The following ZNF175 variants were observed in gnomAD, a reference collection of about 807,000 sequenced individuals.
ZNF175 encodes zinc finger protein OTK18.
In ZNF175, 8 loss-of-function variants were observed where a neutral mutation model predicts 14.0. The ratio of observed to expected loss-of-function variants is 0.57; its 90% CI spans 0.34 to 1.03. The LOEUF is 1.03. Ranked by LOEUF, ZNF175 falls within the 50% of genes least tolerant of loss-of-function variation. ZNF175 has a pLI of 0.03. For missense variants in ZNF175, 764 were observed against 849.5 expected (o/e 0.90, Z 1.25); for synonymous variants, 255 against 296.8 (o/e 0.86, Z 1.45).
intron 2 of ZNF175, 48 bp from the exon 3 acceptor site, chr19:51,581,343 T>G (rs1246162486): frequency 2.5e-6 from 4 of 1,613,962 alleles, no homozygotes; most frequent in Non-Finnish European, 3.4e-6. Context: ...CCATCCCCAC[T>G]CGCCAATGAT....
At position 51,573,370 on chromosome 19, in the gene ZNF175, T is replaced by G; in HGVS notation, c.41T>G (p.Leu14Arg). 1 of 1,612,234 alleles carries G rather than the reference T, an allele frequency of 6.2e-7. No individual in the cohort carries two copies. The highest frequency in any genetic ancestry group is 2.2e-5 in the East Asian group (1 of 44,644). ...DVNLSQKPQV[L>R]GPEKQDGSCE... ...AATTTATCCCAGAAGCCTCAGGTCC[T>G]GGGTCCAGAGAAGCAGGATGGATCT... is the stretch of plus-strand genomic sequence containing the variant. The change falls in exon 2 of 5, where the codon CTG (leucine) becomes CGG (arginine). Residue 14 changes from leucine to arginine, a missense_variant. Coordinates refer to ENST00000262259, the MANE Select transcript of ZNF175 (RefSeq NM_007147.4).
chr19:51,588,073 A>C lies in ZNF175; in HGVS notation c.1742A>C (p.His581Pro), dbSNP rs752023484. 8 of 1,614,250 alleles carry C rather than the reference A, an allele frequency of 5.0e-6. No individual in the cohort carries two copies. Among genetic ancestry groups the C allele is most frequent in the Non-Finnish European group, 6.8e-6 (8 of 1,180,018 alleles). ...KSQFKEHQRI[H>P]TGEKPYVCTE... ...CAATTCAAAGAGCATCAGCGAATTCACACGGGTGAGAAACCCTATGTGTGC... is the reference window on the plus strand; with the variant it reads ...CAATTCAAAGAGCATCAGCGAATTCCCACGGGTGAGAAACCCTATGTGTGC... The change falls in exon 5 of 5, where the codon CAC becomes CCC. Residue 581 changes from histidine to proline, a missense_variant. Coordinates refer to ENST00000262259, the MANE Select transcript of ZNF175 (RefSeq NM_007147.4).
chr19:51,582,360 C>T (rs34239632), intron 4 of ZNF175, among the ~76,000 whole-genome samples: 58,290 of 151,818 alleles, frequency 0.38, 11,718 homozygotes, highest in Middle Eastern at 0.56. Flanking sequence ...TGCAGTGGCA[C>T]GATCTTGGCT....
intron 4 of ZNF175, among the ~76,000 whole-genome samples, chr19:51,585,844 TG>T (rs1257372497): frequency 5.3e-5 from 8 of 152,192 alleles, no homozygotes; most frequent in African/African-American, 1.9e-4. Flanking sequence ...TTAATTTCAA[TG>T]GAACAAGGGT....
Position 51,587,320 on chromosome 19 carries a change from C to A in ZNF175, c.989C>A (p.Thr330Lys). 6.2e-7 allele frequency: 1 copy of A among 1,614,142 alleles called. No homozygotes were observed. Among genetic ancestry groups the A allele is most frequent in the Non-Finnish European group, 8.5e-7 (1 of 1,180,026 alleles). The stretch of plus-strand genomic sequence containing the variant: ...CTCAGTGTATATCTGACAGATCATA[C>A]AGGTGATATACCCTGTATATGCAAG... Reference protein sequence around the residue: ...LKLSVYLTDHTGDIPCICKEC... With the variant: ...LKLSVYLTDHKGDIPCICKEC... The change falls in exon 5 of 5, where the codon ACA (threonine) becomes AAA (lysine). Residue 330 changes from threonine to lysine, a missense_variant. Thr to Lys is a moderately conservative substitution (Grantham distance 78, BLOSUM62 -1). Transcript: ENST00000262259.
chr19:51,590,531 C>G lies in ZNF175; in HGVS notation c.*2064C>G, dbSNP rs1177468956. 1 of 152,222 alleles carries G rather than the reference C, an allele frequency of 6.6e-6. No individual in the cohort carries two copies. Among genetic ancestry groups the G allele is most frequent in the African/African-American group, 2.4e-5 (1 of 41,442 alleles). 9.4% of individuals were successfully genotyped at this position (152,222 alleles called of 1,614,324 possible). On this transcript the variant is annotated 3_prime_UTR_variant, in exon 5 of 5. Coordinates refer to ENST00000262259, the MANE Select transcript of ZNF175 (RefSeq NM_007147.4). Reference sequence around the variant, plus strand: ...ACCCATGGCTTTAGTCTCCATACCCCTTCAAGGTTGATAGGGGCCCACACA... The same window carrying G: ...ACCCATGGCTTTAGTCTCCATACCCGTTCAAGGTTGATAGGGGCCCACACA...
At chr19:51,577,541 C>CTA (rs1295862576) in intron 2 of ZNF175, among the ~76,000 whole-genome samples, 2 of 151,972 alleles carry the variant, frequency 1.3e-5, no homozygotes, top group African/African-American at 2.4e-5. Flanking sequence ...AATGATTGAA[C>CTA]TATCTTACCT....
intron 2 of ZNF175, among the ~76,000 whole-genome samples, chr19:51,580,837 C>G (rs1981972193): frequency 6.6e-6 from 1 of 152,194 alleles, no homozygotes; most frequent in Admixed American, 6.5e-5. Flanking sequence ...TCCTGCATCA[C>G]AGTTCTTACT....
Position 51,588,096 on chromosome 19 carries a change from T to G in ZNF175, c.1765T>G (p.Cys589Gly). ...TCACACGGGTGAGAAACCCTATGTGTGCACTGAATGTGGGAAGGCCTTCAA... is the reference window on the plus strand; with the variant it reads ...TCACACGGGTGAGAAACCCTATGTGGGCACTGAATGTGGGAAGGCCTTCAA... ...RIHTGEKPYV[C>G]TECGKAFNGR... Residue 589 changes from cysteine to glycine, a missense_variant, in exon 5 of 5, where the codon TGC (cysteine) becomes GGC (glycine). By Grantham distance (159) the Cys-to-Gly change is radical. Transcript: ENST00000262259. 6.2e-7 allele frequency: 1 copy of G among 1,614,224 alleles called. No homozygotes were observed. The highest frequency in any genetic ancestry group is 1.1e-5 in the South Asian group (1 of 91,088).
At chr19:51,577,884 C>T (rs866733742) in intron 2 of ZNF175, among the ~76,000 whole-genome samples, 7 of 151,254 alleles carry the variant, frequency 4.6e-5, no homozygotes, top group South Asian at 4.2e-4. Flanking sequence ...AGGATGGTCT[C>T]AATCTCCTGA....
At chr19:51,583,898 C>T (rs1982089807) in intron 4 of ZNF175, among the ~76,000 whole-genome samples, 2 of 152,238 alleles carry the variant, frequency 1.3e-5, no homozygotes, top group Admixed American at 6.5e-5. Context: ...TCTTAATCTT[C>T]ATTATATCAA....
intron 2 of ZNF175, chr19:51,574,245 A>C (rs1428288448): frequency 1.3e-5 from 2 of 152,206 alleles, no homozygotes; most frequent in Admixed American, 6.5e-5. Context: ...GTAACCTGTT[A>C]AAATCATCTC....
Position 51,586,502 on chromosome 19 carries a change from C to T in ZNF175, c.296-125C>T, listed in dbSNP as rs1213127703. ...AGGGCTCTGTGTTTCTGCTCATTGT[C>T]AGCATCATTAGCAGCATTATTACAT... is the stretch of plus-strand genomic sequence containing the variant. On this transcript the variant is annotated intron_variant, in intron 4 of 4. Coordinates refer to ENST00000262259, the MANE Select transcript of ZNF175 (RefSeq NM_007147.4). 5.5e-6 allele frequency: 5 copies of T among 909,810 alleles called. No homozygotes were observed. The African/African-American group carries it at 8.4e-5, about 15-fold the overall frequency. The allele number at this position is 909,810 out of a possible 1,614,324, so 56.4% of individuals were successfully genotyped here. A position where few individuals can be genotyped will look rare whatever the true frequency, so the allele number is the denominator to read the frequency against.
intron 2 of ZNF175, among the ~76,000 whole-genome samples, chr19:51,577,808 C>CAT (rs1981850405): frequency 6.6e-6 from 1 of 151,690 alleles, no homozygotes; most frequent in Non-Finnish European, 1.5e-5. Flanking sequence ...GGACTAAAGG[C>CAT]GCCCGCCACC....
rs537967221 is a variant in ZNF175 at position 51,584,793 on chromosome 19, T to C, written c.296-1834T>C. ...TCAAAACCACTGGGTGATATCCCTT[T>C]ACATCCATTAGAATGGCTACAATTA... On this transcript the variant is annotated intron_variant, in intron 4 of 4. Coordinates refer to ENST00000262259, the MANE Select transcript of ZNF175 (RefSeq NM_007147.4). Among the ~76,000 whole-genome samples, 7 of 152,314 alleles carry C rather than the reference T, an allele frequency of 4.6e-5. 1 individual carries two copies. The highest frequency in any genetic ancestry group is 1.7e-4 in the African/African-American group (7 of 41,580).
At chr19:51,585,028 C>A (rs766634178) in intron 4 of ZNF175, among the ~76,000 whole-genome samples, 1 of 152,210 alleles carries the variant, frequency 6.6e-6, no homozygotes, top group Non-Finnish European at 1.5e-5. Context: ...GCTGTTTGTA[C>A]ACTCTTGTTC....
In ZNF175 at chr19:51,587,879, A is replaced by T. The variant is rs770010543; in HGVS notation, c.1548A>T (p.Ser516=). Residue 516 remains serine (S), a synonymous_variant, in exon 5 of 5, where the codon TCA becomes TCT. Coordinates refer to ENST00000262259, the MANE Select transcript of ZNF175 (RefSeq NM_007147.4). Reference sequence around the variant, plus strand: ...GTGGAAAAACCTTCACCCAAAAGTCACACCTGAATATACACCAGAAAATTC... The same window carrying T: ...GTGGAAAAACCTTCACCCAAAAGTCTCACCTGAATATACACCAGAAAATTC... ...SDCGKTFTQK[S]HLNIHQKIHT... 1 of 1,614,156 alleles carries T rather than the reference A, an allele frequency of 6.2e-7. No individual in the cohort carries two copies. The highest frequency in any genetic ancestry group is 1.1e-5 in the South Asian group (1 of 91,084).
chr19:51,589,488 C>G lies in ZNF175; in HGVS notation c.*1021C>G. On this transcript the variant is annotated 3_prime_UTR_variant, in exon 5 of 5. Transcript: ENST00000262259. ...CATGAATGTGCATTTTTGGTAAATG[C>G]ATAAATGAGATTCTATAATGTTTAC... is the stretch of plus-strand genomic sequence containing the variant. 1.4e-6 allele frequency: 1 copy of G among 693,714 alleles called. No homozygotes were observed. Among genetic ancestry groups the G allele is most frequent in the East Asian group, 2.7e-5 (1 of 37,192 alleles). The allele number at this position is 693,714 out of a possible 1,614,324, so 43.0% of individuals were successfully genotyped here. A position where few individuals can be genotyped will look rare whatever the true frequency, so the allele number is the denominator to read the frequency against.
At chr19:51,582,755 G>C (rs934923426) in intron 4 of ZNF175, among the ~76,000 whole-genome samples, 1 of 150,658 alleles carries the variant, frequency 6.6e-6, no homozygotes, top group Non-Finnish European at 1.5e-5. Flanking sequence ...CAGTTTTTTT[G>C]CCCCTAATTT....
Sources: gnomAD v4.1 joint callset for allele counts (sites outside exome capture counted in the v4.1 genomes callset) on GRCh38, gnomAD v4.1.1 for gene constraint, MANE v1.5 for transcripts, NCBI Gene and HGNC (gene_info 2026-07-23, HGNC 2026-07-21) for gene names.